DENND1A: variants seen among roughly 807,000 people sequenced by gnomAD.
The protein encoded by DENND1A is DENN domain-containing protein 1A.
A neutral mutation model predicts 113.7 loss-of-function variants in DENND1A; 51 were observed. The observed-to-expected ratio is 0.45, with a 90% CI of 0.36 to 0.57. DENND1A has a LOEUF of 0.57. DENND1A is among the 20% of genes least tolerant of loss of function. DENND1A has a pLI of 0.00. For synonymous variants in DENND1A, 565 were observed against 570.8 expected, an observed-to-expected ratio of 0.99 and a Z score of 0.14; for missense variants, 1,258 against 1,395.9, an observed-to-expected ratio of 0.90 and a Z score of 1.57.
At chr9:123,865,487 C>T (rs900919449) in intron 2 of DENND1A, among the ~76,000 whole-genome samples, 4 of 152,208 alleles carry the variant, frequency 2.6e-5, no homozygotes, top group Middle Eastern at 6.3e-3. Flanking sequence ...CCCAGGGCCC[C>T]TCCACCATGT....
At chr9:123,419,154 C>A (rs2045011404) in intron 19 of DENND1A, among the ~76,000 whole-genome samples, 1 of 152,248 alleles carries the variant, frequency 6.6e-6, no homozygotes, top group Admixed American at 6.5e-5. Context: ...CAGGGACCAA[C>A]CAGGTTCACT....
At chr9:123,900,029 G>A (rs1430751625) in intron 1 of DENND1A, among the ~76,000 whole-genome samples, 1 of 152,186 alleles carries the variant, frequency 6.6e-6, no homozygotes, top group Non-Finnish European at 1.5e-5. Context: ...GCACGTTCTG[G>A]ATTGCCATTC....
intron 17 of DENND1A, among the ~76,000 whole-genome samples, chr9:123,451,751 C>T (rs2047734777): frequency 6.6e-6 from 1 of 152,218 alleles, no homozygotes; most frequent in South Asian, 2.1e-4. Flanking sequence ...CATTTCTCTA[C>T]TGTGGCAAAT....
chr9:123,394,351 C>A (rs371268961), intron 21 of DENND1A, among the ~76,000 whole-genome samples: 290 of 152,136 alleles, frequency 1.9e-3, no homozygotes, highest in African/African-American at 5.8e-3. Flanking sequence ...GCACAGGGAA[C>A]TCCATGTCCG....
At chr9:123,877,281 G>C (rs369527698) in intron 2 of DENND1A, among the ~76,000 whole-genome samples, 3 of 151,946 alleles carry the variant, frequency 2.0e-5, no homozygotes, top group South Asian at 2.1e-4. Context: ...ACGAGGTCAA[G>C]AGTTCGAGAC....
At chr9:123,636,461 C>T (rs117403929) in intron 9 of DENND1A, among the ~76,000 whole-genome samples, 9,002 of 152,104 alleles carry the variant, frequency 0.059, 338 homozygotes, top group Non-Finnish European at 0.086. Flanking sequence ...GGATTACAGG[C>T]ACCTGCTACC....
At chr9:123,808,154 G>A (rs967966545) in intron 2 of DENND1A, among the ~76,000 whole-genome samples, 2 of 151,818 alleles carry the variant, frequency 1.3e-5, no homozygotes, top group African/African-American at 4.8e-5. Flanking sequence ...TGAACTCGGG[G>A]GTCAGAGGTT....
chr9:123,458,942 T>C (rs1474566802), intron 13 of DENND1A, among the ~76,000 whole-genome samples: 5 of 150,610 alleles, frequency 3.3e-5, no homozygotes, highest in Non-Finnish European at 7.4e-5. Flanking sequence ...GCCTAGGCAA[T>C]AAGAGCAAAA....
At chr9:123,571,297 TTAAC>T (rs1331497286) in intron 12 of DENND1A, among the ~76,000 whole-genome samples, 1 of 152,240 alleles carries the variant, frequency 6.6e-6, no homozygotes, top group Non-Finnish European at 1.5e-5. Flanking sequence ...CTTTTAAAAA[TTAAC>T]TAAGTCATAA....
At chr9:123,504,992 C>A (rs1054335661) in intron 13 of DENND1A, among the ~76,000 whole-genome samples, 2 of 152,172 alleles carry the variant, frequency 1.3e-5, no homozygotes, top group African/African-American at 2.4e-5. Context: ...GAACCCACCC[C>A]CCTTGTAAAA....
intron 13 of DENND1A, among the ~76,000 whole-genome samples, chr9:123,556,450 G>C (rs549355367): frequency 3.0e-4 from 45 of 152,328 alleles, no homozygotes; most frequent in Middle Eastern, 3.4e-3. Flanking sequence ...ATGTATAATT[G>C]CGGCTTACAA....
chr9:123,871,426 A>C (rs1377455149), intron 2 of DENND1A, among the ~76,000 whole-genome samples: 1 of 152,160 alleles, frequency 6.6e-6, no homozygotes. Context: ...ATGTCTAATA[A>C]TTTTGAGTAT....
intron 19 of DENND1A, among the ~76,000 whole-genome samples, chr9:123,419,325 G>A (rs1216870557): frequency 1.3e-5 from 2 of 152,236 alleles, no homozygotes; most frequent in Middle Eastern, 3.2e-3. Context: ...ACTCTGAATT[G>A]TCCCTTCCCT....
chr9:123,686,702 C>T (rs2064831976), intron 5 of DENND1A, among the ~76,000 whole-genome samples: 1 of 152,176 alleles, frequency 6.6e-6, no homozygotes, highest in Admixed American at 6.5e-5. Flanking sequence ...TGTCAAGACC[C>T]AGTGCCTCTG....
intron 13 of DENND1A, among the ~76,000 whole-genome samples, chr9:123,488,434 G>A (rs2051073916): frequency 6.6e-6 from 1 of 152,218 alleles, no homozygotes; most frequent in African/African-American, 2.4e-5. Context: ...TCCCAATGAG[G>A]GAGTCTGATT....
At chr9:123,522,045 G>C (rs2054438936) in intron 13 of DENND1A, among the ~76,000 whole-genome samples, 1 of 152,320 alleles carries the variant, frequency 6.6e-6, no homozygotes, top group Non-Finnish European at 1.5e-5. Context: ...CACAATGAAT[G>C]GGGCCCTCAT....
At chr9:123,554,199 T>C (rs2057293940) in intron 13 of DENND1A, among the ~76,000 whole-genome samples, 1 of 152,144 alleles carries the variant, frequency 6.6e-6, no homozygotes. Context: ...TCATATGTAC[T>C]TTGCAGTCAT....
At chr9:123,567,683 T>G (rs764231596) in intron 12 of DENND1A, among the ~76,000 whole-genome samples, 1 of 152,206 alleles carries the variant, frequency 6.6e-6, no homozygotes, top group Non-Finnish European at 1.5e-5. Context: ...CAGTCAGACA[T>G]GTGAATGTCT....
intron 16 of DENND1A, among the ~76,000 whole-genome samples, chr9:123,453,095 C>T (rs956935325): frequency 5.9e-5 from 9 of 152,100 alleles, no homozygotes; most frequent in African/African-American, 1.9e-4. Flanking sequence ...CATAGCTGTC[C>T]GTGAATCCAT....
Sources: gnomAD v4.1 joint callset for allele counts (sites outside exome capture counted in the v4.1 genomes callset) on GRCh38, gnomAD v4.1.1 for gene constraint, MANE v1.5 for transcripts, NCBI Gene and HGNC (gene_info 2026-07-23, HGNC 2026-07-21) for gene names.